Variants in GTF2IRD1 observed in about 807,000 individuals in gnomAD.
GTF2IRD1 encodes the protein general transcription factor II-I repeat domain-containing protein 1.
In GTF2IRD1, 26 loss-of-function variants were observed where a neutral mutation model predicts 113.2. That is an observed-to-expected ratio of 0.23 (90% CI 0.17 to 0.32). The LOEUF (loss-of-function observed/expected upper bound fraction) is 0.32, where lower values mean the gene tolerates loss of function less well. Ranked by LOEUF, GTF2IRD1 falls within the 10% of genes least tolerant of loss-of-function variation. GTF2IRD1 has a pLI of 1.00. For synonymous variants in GTF2IRD1, 484 were observed against 529.1 expected (o/e 0.91, Z 1.17); for missense variants, 864 against 1,280.8 (o/e 0.67, Z 4.97).
intron 1 of GTF2IRD1, among the ~76,000 whole-genome samples, chr7:74,461,573 A>C (rs1554329270): frequency 6.6e-6 from 1 of 151,924 alleles, no homozygotes; most frequent in Non-Finnish European, 1.5e-5. Context: ...GGCCCACTTT[A>C]TATTTTATTT....
intron 1 of GTF2IRD1, among the ~76,000 whole-genome samples, chr7:74,460,207 T>G (rs1793274236): frequency 1.3e-5 from 2 of 152,096 alleles, no homozygotes. Context: ...TCAAGTGATC[T>G]CAAAGTGCTG....
rs782623972 is a variant in GTF2IRD1 at position 74,519,600 on chromosome 7, C to T, written c.797C>T (p.Ala266Val). The T allele has an allele frequency of 1.9e-6, 3 of 1,612,678 alleles. No homozygotes were observed. The highest frequency in any genetic ancestry group is 2.5e-6 in the Non-Finnish European group (3 of 1,179,754). The change falls in exon 6 of 27, where the codon GCC (alanine) becomes GTC (valine). Residue 266 changes from alanine to valine, a missense_variant. Around this residue, in one of 7 missense-constraint regions of GTF2IRD1, gnomAD observed 195 missense variants for 196.6 expected, o/e 0.99. Transcript: ENST00000424337. ...TACAGCACGGCGCTCCCCAACCACGCCATCCGAGAGCTCAAGCAGGAAGCA... is the reference window on the plus strand; with the variant it reads ...TACAGCACGGCGCTCCCCAACCACGTCATCCGAGAGCTCAAGCAGGAAGCA... ...FLYSTALPNH[A>V]IRELKQEAPS...
At chr7:74,544,899 C>A in intron 15 of GTF2IRD1, 97 bp downstream of exon 15, 1 of 898,846 alleles carries the variant, frequency 1.1e-6, no homozygotes, top group Non-Finnish European at 1.8e-6. Context: ...TCTCTTCGTT[C>A]TCTCCACCTC....
chr7:74,495,459 C>A (rs1795602473), intron 1 of GTF2IRD1, among the ~76,000 whole-genome samples: 1 of 152,224 alleles, frequency 6.6e-6, no homozygotes, highest in African/African-American at 2.4e-5. Flanking sequence ...TGCCCCATCC[C>A]TCACCATTCA....
At chr7:74,529,664 G>A (rs1304141879) in intron 8 of GTF2IRD1, 70 bp from the exon 9 acceptor site, 7 of 1,371,024 alleles carry the variant, frequency 5.1e-6, no homozygotes, top group South Asian at 3.8e-5. Flanking sequence ...GATGGGGACC[G>A]CAGCTCCCGG....
chr7:74,544,456 G>C (rs587733799), intron 14 of GTF2IRD1, among the ~76,000 whole-genome samples: 27 of 152,360 alleles, frequency 1.8e-4, no homozygotes, highest in African/African-American at 6.0e-4. Context: ...AAAGTGCTGG[G>C]ATTACAGGTG....
chr7:74,529,511 C>T (rs1797833550), intron 8 of GTF2IRD1, among the ~76,000 whole-genome samples: 1 of 152,160 alleles, frequency 6.6e-6, no homozygotes. Context: ...CCACCTCAGC[C>T]TCCCGGAGTG....
intron 1 of GTF2IRD1, among the ~76,000 whole-genome samples, chr7:74,471,412 G>A (rs1335344358): frequency 6.6e-6 from 1 of 152,066 alleles, no homozygotes; most frequent in African/African-American, 2.4e-5. Flanking sequence ...AAGAGGCTGA[G>A]CCGGGAGAAT....
chr7:74,555,435 C>T lies in GTF2IRD1; in HGVS notation c.1967-3C>T. On this transcript the variant is annotated splice_polypyrimidine_tract_variant and splice_region_variant and intron_variant, in intron 18 of 26. Transcript: ENST00000424337. The surrounding 1 kb of genome is among the most constrained non-coding windows in gnomAD (Gnocchi z 5.3). ...GGCTTCTCTCCCCCTGCCCTGCCCCCAGAGAGGGATTCCGGGGACCCTCTG... is the reference window on the plus strand; with the variant it reads ...GGCTTCTCTCCCCCTGCCCTGCCCCTAGAGAGGGATTCCGGGGACCCTCTG... 6.2e-7 allele frequency: 1 copy of T among 1,613,966 alleles called. No homozygotes were observed. The highest frequency in any genetic ancestry group is 8.5e-7 in the Non-Finnish European group (1 of 1,179,830).
Position 74,539,863 on chromosome 7 carries a change from G to A in GTF2IRD1, c.1529-16G>A, listed in dbSNP as rs1455915997. 8 of 1,592,800 alleles carry A rather than the reference G, an allele frequency of 5.0e-6. No individual in the cohort carries two copies. The highest frequency in any genetic ancestry group is 2.2e-5 in the East Asian group (1 of 44,756). The stretch of plus-strand genomic sequence containing the variant: ...CAGGCAGAAGATACCCGTGTCATTC[G>A]GAGTTTTGTCTTCAGACCCCTCGCC... On this transcript the variant is annotated splice_polypyrimidine_tract_variant and intron_variant, in intron 13 of 26. Coordinates refer to ENST00000424337, the MANE Select transcript of GTF2IRD1 (RefSeq NM_005685.4).
At chr7:74,592,385 A>G (rs1281338925) in intron 24 of GTF2IRD1, among the ~76,000 whole-genome samples, 2 of 147,942 alleles carry the variant, frequency 1.4e-5, no homozygotes, top group African/African-American at 5.0e-5. Context: ...GATTACAGGC[A>G]TGAGTCACCA....
chr7:74,464,668 G>A (rs1360188504), intron 1 of GTF2IRD1, among the ~76,000 whole-genome samples: 3 of 152,158 alleles, frequency 2.0e-5, no homozygotes, highest in African/African-American at 4.8e-5. Context: ...GGCTGGTCTC[G>A]AACCCCTGAC....
intron 22 of GTF2IRD1, among the ~76,000 whole-genome samples, chr7:74,563,811 A>G (rs1800124106): frequency 6.6e-6 from 1 of 150,888 alleles, no homozygotes; most frequent in Non-Finnish European, 1.5e-5. Flanking sequence ...GCTTGAGCCC[A>G]GGAGGTGGAG....
At chr7:74,493,110 CTTT>C (rs60137731) in intron 1 of GTF2IRD1, among the ~76,000 whole-genome samples, 14 of 134,212 alleles carry the variant, frequency 1.0e-4, no homozygotes, top group Admixed American at 1.5e-4. Flanking sequence ...TCTTCTTCTT[CTTT>C]TTTTTTTTTT....
chr7:74,454,011 C>A lies in GTF2IRD1; in HGVS notation c.-172C>A, dbSNP rs1369795734. On this transcript the variant is annotated 5_prime_UTR_variant, in exon 1 of 27. Coordinates refer to ENST00000424337, the MANE Select transcript of GTF2IRD1 (RefSeq NM_005685.4). ...GCCGATTCCCCCCCCGCGCCCCCTC[C>A]CCGCGCCTCCCTCCCCGCCCTCGCC... is the stretch of plus-strand genomic sequence containing the variant. 6.7e-6 allele frequency: 1 copy of A among 149,712 alleles called. No individual in the cohort carries two copies. The highest frequency in any genetic ancestry group is 1.5e-5 in the Non-Finnish European group (1 of 67,004). 9.3% of individuals were successfully genotyped at this position (149,712 alleles called of 1,614,324 possible).
chr7:74,519,756 G>A, intron 6 of GTF2IRD1, 37 bp downstream of exon 6: 1 of 1,441,498 alleles, frequency 6.9e-7, no homozygotes, highest in South Asian at 1.3e-5. Flanking sequence ...TCTAGGGGGT[G>A]GGACAGAGGT....
chr7:74,480,981 C>T (rs542800938), intron 1 of GTF2IRD1, among the ~76,000 whole-genome samples: 1 of 152,260 alleles, frequency 6.6e-6, no homozygotes, highest in South Asian at 2.1e-4. Context: ...CTTCCCCCAG[C>T]CCCTCCAGGG....
intron 1 of GTF2IRD1, among the ~76,000 whole-genome samples, chr7:74,500,713 T>C (rs1795987767): frequency 6.6e-6 from 1 of 152,152 alleles, no homozygotes; most frequent in Non-Finnish European, 1.5e-5. Context: ...CACACATTGA[T>C]GCTTCCTTTT....
chr7:74,561,025 C>A (rs1799927217), intron 22 of GTF2IRD1, among the ~76,000 whole-genome samples: 1 of 152,134 alleles, frequency 6.6e-6, no homozygotes, highest in Non-Finnish European at 1.5e-5. Flanking sequence ...GGGCGACATG[C>A]CACTTGGCAA....
Sources: gnomAD v4.1 joint callset for allele counts (sites outside exome capture counted in the v4.1 genomes callset) on GRCh38, gnomAD v4.1.1 for gene constraint, gnomAD v4.1.1 regional missense constraint, Gnocchi (gnomAD v3.1) non-coding constraint, MANE v1.5 for transcripts, NCBI Gene and HGNC (gene_info 2026-07-23, HGNC 2026-07-21) for gene names.